Variants in UGP2 observed in about 807,000 individuals in gnomAD.
The protein encoded by UGP2 is UTP--glucose-1-phosphate uridylyltransferase.
UGP2 carries 40 observed loss-of-function variants against 49.0 expected under a neutral mutation model. The ratio of observed to expected loss-of-function variants is 0.82; its 90% CI spans 0.63 to 1.06. UGP2 has a LOEUF of 1.06. Ranked by LOEUF, UGP2 falls within the 50% of genes least tolerant of loss-of-function variation. The probability of loss-of-function intolerance (pLI) is 0.00; values close to 1 mark genes in which losing one functional copy is unlikely to be tolerated. For synonymous variants in UGP2, 225 were observed against 213.0 expected (o/e 1.06, Z -0.49); for missense variants, 460 against 603.5 (o/e 0.76, Z 2.49).
intron 3 of UGP2, among the ~76,000 whole-genome samples, chr2:63,867,915 C>T (rs538137189): frequency 6.6e-6 from 1 of 152,146 alleles, no homozygotes; most frequent in Admixed American, 6.5e-5. Flanking sequence ...CTTTAAACTT[C>T]AGGATTGCAG....
chr2:63,851,089 G>A (rs1191884686), intron 1 of UGP2, among the ~76,000 whole-genome samples: 1 of 152,178 alleles, frequency 6.6e-6, no homozygotes, highest in Non-Finnish European at 1.5e-5. Flanking sequence ...ATATGAGCAT[G>A]TAATAGGTAA....
At chr2:63,886,254 A>AT in intron 6 of UGP2, 87 bp from the exon 7 acceptor site, 4 of 1,265,990 alleles carry the variant, frequency 3.2e-6, no homozygotes, top group African/African-American at 1.5e-5. Flanking sequence ...GTATTTATAT[A>AT]TTTTTTGTAT....
At chr2:63,847,635 GGTTT>G (rs1558931726) in intron 1 of UGP2, among the ~76,000 whole-genome samples, 2 of 152,090 alleles carry the variant, frequency 1.3e-5, no homozygotes, top group Admixed American at 1.3e-4. Flanking sequence ...AGTCAAAGGG[GGTTT>G]GTTCTCTGGC....
intron 3 of UGP2, among the ~76,000 whole-genome samples, chr2:63,876,017 T>C (rs140752786): frequency 2.0e-4 from 30 of 152,196 alleles, no homozygotes; most frequent in African/African-American, 7.2e-4. Flanking sequence ...AATGTCTTTG[T>C]GCATTCTCCT....
Position 63,882,662 on chromosome 2 carries a change from T to C in UGP2, c.441+11T>C, listed in dbSNP as rs1354436099. On this transcript the variant is annotated intron_variant, in intron 4 of 9. Coordinates refer to ENST00000337130, the MANE Select transcript of UGP2 (RefSeq NM_006759.4). ...GTTCAGCAAATTGAAGTGAGTAACATTTAGCCTTTCTCATGAGATACTAAA... is the reference window on the plus strand; with the variant it reads ...GTTCAGCAAATTGAAGTGAGTAACACTTAGCCTTTCTCATGAGATACTAAA... 1.3e-6 allele frequency: 2 copies of C among 1,521,756 alleles called. No individual in the cohort carries two copies. The highest frequency in any genetic ancestry group is 1.8e-6 in the Non-Finnish European group (2 of 1,124,964). The allele number at this position is 1,521,756 out of a possible 1,614,324, so 94.3% of individuals were successfully genotyped here. A position where few individuals can be genotyped will look rare whatever the true frequency, so the allele number is the denominator to read the frequency against.
intron 3 of UGP2, among the ~76,000 whole-genome samples, chr2:63,874,254 A>G (rs1255267860): frequency 6.6e-6 from 1 of 152,186 alleles, no homozygotes; most frequent in Non-Finnish European, 1.5e-5. Context: ...GAATGATGCA[A>G]TAAGGAGGGA....
chr2:63,866,228 G>A (rs1670177690), intron 3 of UGP2, among the ~76,000 whole-genome samples: 1 of 152,202 alleles, frequency 6.6e-6, no homozygotes, highest in African/African-American at 2.4e-5. Context: ...GTTTATTTAA[G>A]AAAGATGACA....
intron 1 of UGP2, among the ~76,000 whole-genome samples, chr2:63,849,458 A>G (rs1443896800): frequency 6.6e-6 from 1 of 152,258 alleles, no homozygotes; most frequent in East Asian, 1.9e-4. Context: ...TTTTGGGTTC[A>G]TTTGTGCTAA....
Position 63,861,255 on chromosome 2 carries a change from A to T in UGP2, c.255+3319A>T, listed in dbSNP as rs796395218. ...TTATTTGACCATTTCATTGTTTTCCAGAGAGGTTATGAGAGTGTCTTGGTC... is the reference window on the plus strand; with the variant it reads ...TTATTTGACCATTTCATTGTTTTCCTGAGAGGTTATGAGAGTGTCTTGGTC... On this transcript the variant is annotated intron_variant, in intron 3 of 9. Transcript: ENST00000337130. Among the ~76,000 whole-genome samples, 6 of 151,678 alleles carry T rather than the reference A, an allele frequency of 4.0e-5. 1 individual carries two copies. Among genetic ancestry groups the T allele is most frequent in the African/African-American group, 1.5e-4 (6 of 40,996 alleles).
At chr2:63,880,150 C>G (rs972336083) in intron 3 of UGP2, among the ~76,000 whole-genome samples, 2 of 150,870 alleles carry the variant, frequency 1.3e-5, no homozygotes, top group African/African-American at 4.8e-5. Flanking sequence ...CTCCTCTCCC[C>G]TCTCCCCTTC....
At chr2:63,850,118 G>T (rs1668950039) in intron 1 of UGP2, among the ~76,000 whole-genome samples, 3 of 152,050 alleles carry the variant, frequency 2.0e-5, no homozygotes, top group East Asian at 1.9e-4. Context: ...TTTCCTTTGA[G>T]ATTTTAAGAG....
chr2:63,891,143 T>A lies in UGP2; in HGVS notation c.1443T>A (p.Asn481Lys), dbSNP rs1672124893. ...AGGGAACGGTTATCATCATTGCAAA[T>A]CATGGTGACAGAATTGATATCCCAC... ...SLKGTVIIIA[N>K]HGDRIDIPPG... Residue 481 changes from asparagine (N) to lysine (K), a missense_variant, in exon 10 of 10, where the codon AAT becomes AAA. By Grantham distance (94) the Asn-to-Lys change is moderately conservative. Transcript: ENST00000337130. 1 of 1,613,364 alleles carries A rather than the reference T, an allele frequency of 6.2e-7. No homozygotes were observed. Among genetic ancestry groups the A allele is most frequent in the Non-Finnish European group, 8.5e-7 (1 of 1,179,708 alleles).
intron 1 of UGP2, among the ~76,000 whole-genome samples, chr2:63,848,811 A>T (rs1437755740): frequency 6.6e-6 from 1 of 151,996 alleles, no homozygotes; most frequent in East Asian, 1.9e-4. Flanking sequence ...AAAAGATAAT[A>T]CTCTGTTTGA....
upstream of UGP2, chr2:63,841,893 T>C (rs148672404): frequency 5.5e-5 from 20 of 366,748 alleles, no homozygotes; most frequent in East Asian, 7.9e-4. Context: ...TTTTACCTTT[T>C]CCGGGAGTCT....
chr2:63,855,629 C>A (rs1669359402), intron 1 of UGP2: 1 of 427,724 alleles, frequency 2.3e-6, no homozygotes, highest in Non-Finnish European at 4.7e-6. Context: ...GCAGCCTCTG[C>A]CTCCTCGGCT....
In UGP2 at chr2:63,887,470, G is replaced by A. The variant is rs751294157; in HGVS notation, c.1140G>A (p.Glu380=). 3.1e-6 allele frequency: 5 copies of A among 1,613,964 alleles called. No homozygotes were observed. Among genetic ancestry groups the A allele is most frequent in the Non-Finnish European group, 3.4e-6 (4 of 1,180,000 alleles). The change falls in exon 8 of 10, where the codon GAG becomes GAA. Residue 380 remains glutamate, a synonymous_variant. Transcript: ENST00000337130. ...TAVGAAIKSF[E]NSLGINVPRS... ...TAGGGGCTGCCATCAAAAGTTTTGA[G>A]AATTCTCTAGGTATTAATGTGCCAA...
At chr2:63,856,732 G>C (rs1669461577) in intron 2 of UGP2, 3 of 483,684 alleles carry the variant, frequency 6.2e-6, no homozygotes, top group South Asian at 3.1e-5. Context: ...ATGCATACCT[G>C]TGTTCAGTTG....
chr2:63,879,921 C>T (rs573177273), intron 3 of UGP2, among the ~76,000 whole-genome samples: 2 of 152,220 alleles, frequency 1.3e-5, no homozygotes, highest in African/African-American at 4.8e-5. Context: ...AATGCATGAA[C>T]TAGGAGTTTT....
Position 63,891,327 on chromosome 2 carries a change from AC to A in UGP2, c.*103del. 2 of 919,840 alleles carry A rather than the reference AC, an allele frequency of 2.2e-6. No individual in the cohort carries two copies. The highest frequency in any genetic ancestry group is 3.3e-6 in the Non-Finnish European group (2 of 614,920). The allele number at this position is 919,840 out of a possible 1,614,324, so 57.0% of individuals were successfully genotyped here. On this transcript the variant is annotated 3_prime_UTR_variant, in exon 10 of 10. Coordinates refer to ENST00000337130, the MANE Select transcript of UGP2 (RefSeq NM_006759.4). ...GGCAGGTACTTTACTATGTTACTGT[AC>A]CCTGCAGTGTTGATTTTTAAAATAG...
Sources: gnomAD v4.1 joint callset for allele counts (sites outside exome capture counted in the v4.1 genomes callset) on GRCh38, gnomAD v4.1.1 for gene constraint, MANE v1.5 for transcripts, NCBI Gene and HGNC (gene_info 2026-07-23, HGNC 2026-07-21) for gene names.